TMEM232: variants seen among roughly 807,000 people sequenced by gnomAD.
The protein encoded by TMEM232 is transmembrane protein 232.
TMEM232 carries 80 observed loss-of-function variants against 78.8 expected under a neutral mutation model. That is an observed-to-expected ratio of 1.01 (90% CI 0.85 to 1.22). The LOEUF (loss-of-function observed/expected upper bound fraction) is 1.22, where lower values mean the gene tolerates loss of function less well. TMEM232 is among the 50% of genes most tolerant of loss of function. TMEM232 has a pLI of 0.00. For missense variants in TMEM232, 881 were observed against 742.2 expected, an observed-to-expected ratio of 1.19 and a Z score of -2.17; for synonymous variants, 297 against 254.3, an observed-to-expected ratio of 1.17 and a Z score of -1.60.
At chr5:110,492,431 A>T (rs1262144757) in intron 12 of TMEM232, among the ~76,000 whole-genome samples, 1 of 151,912 alleles carries the variant, frequency 6.6e-6, no homozygotes, top group Non-Finnish European at 1.5e-5. Context: ...CAAAAATTTT[A>T]AAAATATATC....
intron 3 of TMEM232, among the ~76,000 whole-genome samples, chr5:110,393,536 C>G (rs1400878868): frequency 3.3e-5 from 5 of 152,102 alleles, no homozygotes. Flanking sequence ...TTAAAATTGA[C>G]TAACTATAGA....
intron 10 of TMEM232, among the ~76,000 whole-genome samples, chr5:110,571,808 T>C (rs368519417): frequency 4.3e-4 from 65 of 151,752 alleles, no homozygotes; most frequent in African/African-American, 1.4e-3. Flanking sequence ...CAGTGAGCTA[T>C]GGTTAAAAAA....
At chr5:110,579,050 C>T (rs1002439653) in intron 10 of TMEM232, among the ~76,000 whole-genome samples, 2 of 151,574 alleles carry the variant, frequency 1.3e-5, no homozygotes, top group African/African-American at 4.8e-5. Context: ...CACTGAGACA[C>T]ATTATATTCT....
chr5:110,451,133 T>G (rs1760229364), intron 12 of TMEM232, among the ~76,000 whole-genome samples: 1 of 152,218 alleles, frequency 6.6e-6, no homozygotes, highest in Non-Finnish European at 1.5e-5. Flanking sequence ...AGGACTTACT[T>G]GTTTCTGGAG....
intron 10 of TMEM232, among the ~76,000 whole-genome samples, chr5:110,579,217 A>C (rs1777896123): frequency 6.6e-6 from 1 of 151,612 alleles, no homozygotes; most frequent in Admixed American, 6.6e-5. Flanking sequence ...GATGGAAGAA[A>C]AAAAATCTGC....
chr5:110,575,077 T>C (rs1777417884), intron 10 of TMEM232, among the ~76,000 whole-genome samples: 1 of 152,128 alleles, frequency 6.6e-6, no homozygotes, highest in South Asian at 2.1e-4. Context: ...AAATTAGGAA[T>C]ATACTTTTGG....
At chr5:110,451,186 C>G (rs1760235987) in intron 12 of TMEM232, among the ~76,000 whole-genome samples, 1 of 152,168 alleles carries the variant, frequency 6.6e-6, no homozygotes. Context: ...TTCCTCAGCA[C>G]CCTGTATCCA....
chr5:110,496,566 C>T (rs1765666038), intron 12 of TMEM232, among the ~76,000 whole-genome samples: 1 of 151,930 alleles, frequency 6.6e-6, no homozygotes, highest in Non-Finnish European at 1.5e-5. Flanking sequence ...AATAAAATTT[C>T]ATTCTGTTTA....
At chr5:110,478,897 ATT>A (rs746104997) in intron 12 of TMEM232, among the ~76,000 whole-genome samples, 4,357 of 111,704 alleles carry the variant, frequency 0.039, 146 homozygotes, top group African/African-American at 0.13. Context: ...GGAGAAATTG[ATT>A]TTTTTTTTTT....
intron 3 of TMEM232, among the ~76,000 whole-genome samples, chr5:110,394,913 A>G (rs1755328858): frequency 6.6e-6 from 1 of 152,070 alleles, no homozygotes; most frequent in Non-Finnish European, 1.5e-5. Context: ...GCAGTAGTCC[A>G]CTGTCACTCA....
chr5:110,518,074 T>G (rs536135905), intron 12 of TMEM232, among the ~76,000 whole-genome samples: 1 of 152,198 alleles, frequency 6.6e-6, no homozygotes, highest in South Asian at 2.1e-4. Flanking sequence ...TTCTGCTTAT[T>G]GCTCTTATTT....
intron 12 of TMEM232, among the ~76,000 whole-genome samples, chr5:110,490,848 T>C (rs1765008325): frequency 1.3e-5 from 2 of 152,186 alleles, no homozygotes; most frequent in South Asian, 4.1e-4. Context: ...GACCTCACTG[T>C]AAAACTAAAA....
At chr5:110,511,305 T>C (rs1767705560) in intron 12 of TMEM232, among the ~76,000 whole-genome samples, 1 of 150,022 alleles carries the variant, frequency 6.7e-6, no homozygotes, top group African/African-American at 2.5e-5. Context: ...GGGTGGGGAG[T>C]AAGGAGAGGG....
In TMEM232 at chr5:110,528,639, G is replaced by A. The variant is rs1770960256; in HGVS notation, c.1652C>T (p.Pro551Leu). The A allele has an allele frequency of 6.5e-7, 1 of 1,532,730 alleles. No individual in the cohort carries two copies. Among genetic ancestry groups the A allele is most frequent in the Non-Finnish European group, 8.7e-7 (1 of 1,145,204 alleles). 94.9% of individuals were successfully genotyped at this position (1,532,730 alleles called of 1,614,324 possible). The change falls in exon 12 of 14, where the codon CCA (proline) becomes CTA (leucine). Residue 551 changes from proline (P) to leucine (L), a missense_variant. Pro to Leu is a moderately conservative substitution (Grantham distance 98). Coordinates refer to ENST00000455884, the MANE Select transcript of TMEM232 (RefSeq NM_001039763.4). ...TTTCACAGACTCCAGCTTTTTATTT[G>A]GATATTTTGTTTGATCCTTTTTTAT... is the stretch of plus-strand genomic sequence containing the variant. ...PSIKKDQTKYPNKKLESVKKQ... is the reference protein window; with the variant it reads ...PSIKKDQTKYLNKKLESVKKQ...
At chr5:110,610,261 A>AGGGAGGAAGGGAGGAAGGGAGGAC (rs1404111311) in intron 8 of TMEM232, among the ~76,000 whole-genome samples, 2 of 143,468 alleles carry the variant, frequency 1.4e-5, no homozygotes, top group East Asian at 2.2e-4. Flanking sequence ...GAAGGGAGGA[A>AGGGAGGAAGGGAGGAAGGGAGGAC]GGGAGGAAGG....
At chr5:110,596,394 T>A (rs1048389161) in intron 10 of TMEM232, among the ~76,000 whole-genome samples, 6 of 151,332 alleles carry the variant, frequency 4.0e-5, no homozygotes, top group African/African-American at 1.2e-4. Context: ...CCAAAAAGAG[T>A]CCAGGACCAG....
chr5:110,656,713 C>T (rs920413001), intron 2 of TMEM232, among the ~76,000 whole-genome samples: 3 of 151,756 alleles, frequency 2.0e-5, no homozygotes, highest in Non-Finnish European at 4.4e-5. Flanking sequence ...GGCAGGGCAC[C>T]GGTAGTCCCA....
At chr5:110,721,677 A>ATATATATATATATATATATATATATC (rs1420011557) in intron 1 of TMEM232, among the ~76,000 whole-genome samples, 10 of 118,738 alleles carry the variant, frequency 8.4e-5, no homozygotes, top group African/African-American at 3.0e-4. Context: ...GTGTGTGTAT[A>ATATATATATATATATATATATATATC]TATATATCTG....
At chr5:110,513,184 A>T (rs1768049577) in intron 12 of TMEM232, among the ~76,000 whole-genome samples, 1 of 152,220 alleles carries the variant, frequency 6.6e-6, no homozygotes, top group Admixed American at 6.5e-5. Context: ...ACTGAGTTAT[A>T]TATTACAAAC....
Sources: gnomAD v4.1 joint callset for allele counts (sites outside exome capture counted in the v4.1 genomes callset) on GRCh38, gnomAD v4.1.1 for gene constraint, MANE v1.5 for transcripts, NCBI Gene and HGNC (gene_info 2026-07-23, HGNC 2026-07-21) for gene names.